The following CRYL1 variants were observed in gnomAD, a reference collection of about 807,000 sequenced individuals.
The protein encoded by CRYL1 is lambda-crystallin homolog.
A neutral mutation model predicts 36.6 loss-of-function variants in CRYL1; 29 were observed. That is an observed-to-expected ratio of 0.79 (90% CI 0.59 to 1.08). The LOEUF is 1.08. Ranked by LOEUF, CRYL1 falls within the 50% of genes least tolerant of loss-of-function variation. The pLI, the probability that CRYL1 is intolerant of heterozygous loss-of-function variation, is 0.00. For synonymous variants in CRYL1, 152 were observed against 151.5 expected (o/e 1.00, Z -0.02); for missense variants, 411 against 407.9 (o/e 1.01, Z -0.06).
At chr13:20,439,846 C>T (rs994195781) in intron 3 of CRYL1, 92 bp from the exon 4 acceptor site, 9 of 1,271,636 alleles carry the variant, frequency 7.1e-6, no homozygotes, top group Non-Finnish European at 8.9e-6. Context: ...TCAAATGAAC[C>T]ACTTTGAAAA....
At position 20,500,559 on chromosome 13, in the gene CRYL1, C is replaced by T. The variant is rs147059795; in HGVS notation, c.150-11063G>A. On this transcript the variant is annotated intron_variant, in intron 2 of 7. Coordinates refer to ENST00000298248, the MANE Select transcript of CRYL1 (RefSeq NM_015974.3). ...GGGTAATCAGGCCAAGTATATGGGA[C>T]TGAAGCTTATTTTGCAGGTAGATTG... 5.3e-5 allele frequency among the ~76,000 whole-genome samples: 8 copies of T among 152,252 alleles called. No individual in the cohort carries two copies. The East Asian group carries it at 1.4e-3, about 26-fold the overall frequency.
In CRYL1 at chr13:20,404,685, A is replaced by G. The variant is rs763632884; in HGVS notation, c.796T>C (p.Phe266Leu). The G allele has an allele frequency of 1.9e-6, 3 of 1,614,084 alleles. No homozygotes were observed. Among genetic ancestry groups the G allele is most frequent in the East Asian group, 4.5e-5 (2 of 44,880 alleles). The change falls in exon 7 of 8, where the codon TTT (phenylalanine) becomes CTT (leucine). Residue 266 changes from phenylalanine to leucine, a missense_variant. By Grantham distance (22) the Phe-to-Leu change is conservative. Transcript: ENST00000298248. ...SEGIKHVLQT[F>L]GPIPEFSRAT... ...CTGGAAAACTCTGGAATGGGTCCAAAAGTCTGTAGGACATGTTTTATGCCT... is the reference window on the plus strand; with the variant it reads ...CTGGAAAACTCTGGAATGGGTCCAAGAGTCTGTAGGACATGTTTTATGCCT...
Position 20,420,701 on chromosome 13 carries a change from T to TTG in CRYL1, c.634-7316_634-7315dup, listed in dbSNP as rs1555226402. Among the ~76,000 whole-genome samples, 55 of 21,872 alleles carry TTG rather than the reference T, an allele frequency of 2.5e-3. 4 individuals carry two copies. The highest frequency in any genetic ancestry group is 5.6e-3 in the African/African-American group (53 of 9,518). 14.3% of individuals were successfully genotyped at this position (21,872 alleles called of 152,430 possible). A position where few individuals can be genotyped will look rare whatever the true frequency, so the allele number is the denominator to read the frequency against. ...CTTTGACTTTTCTTTAAAATAGAGG[T>TTG]TGTGTGTGTGTGTGTGTGTGTGTGT... On this transcript the variant is annotated intron_variant, in intron 5 of 7. Coordinates refer to ENST00000298248, the MANE Select transcript of CRYL1 (RefSeq NM_015974.3).
chr13:20,503,930 T>TG (rs2033747167), intron 2 of CRYL1, among the ~76,000 whole-genome samples: 1 of 152,208 alleles, frequency 6.6e-6, no homozygotes, highest in Non-Finnish European at 1.5e-5. Flanking sequence ...AGATCACTGC[T>TG]GGTGGTTTAT....
At position 20,415,214 on chromosome 13, in the gene CRYL1, C is replaced by T. The variant is rs1246528563; in HGVS notation, c.634-1827G>A. Among the ~76,000 whole-genome samples the T allele has an allele frequency of 1.3e-5, 2 of 152,202 alleles. No homozygotes were observed. The highest frequency in any genetic ancestry group is 2.4e-5 in the African/African-American group (1 of 41,452). On this transcript the variant is annotated intron_variant, in intron 5 of 7. Coordinates refer to ENST00000298248, the MANE Select transcript of CRYL1 (RefSeq NM_015974.3). The surrounding 1 kb of genome is among the most constrained non-coding windows in gnomAD (Gnocchi z 4.1). Reference sequence around the variant, plus strand: ...CTCCAAGCTGGGGGCTTGCTCCGCCCGGAGGGCTCTGCGGGGACCCTGGCA... The same window carrying T: ...CTCCAAGCTGGGGGCTTGCTCCGCCTGGAGGGCTCTGCGGGGACCCTGGCA...
chr13:20,445,546 GATAATATCA>G (rs1466414069), intron 3 of CRYL1, among the ~76,000 whole-genome samples: 3 of 152,136 alleles, frequency 2.0e-5, no homozygotes, highest in African/African-American at 7.2e-5. Flanking sequence ...TCTGGAGCAT[GATAATATCA>G]ACCAGAGCCC....
intron 3 of CRYL1, among the ~76,000 whole-genome samples, chr13:20,452,312 T>C (rs897887413): frequency 1.3e-5 from 2 of 149,752 alleles, no homozygotes; most frequent in African/African-American, 2.4e-5. Context: ...TTTAAATGTA[T>C]GGACTTAGAT....
intron 3 of CRYL1, among the ~76,000 whole-genome samples, chr13:20,440,690 G>T (rs2032331233): frequency 6.6e-6 from 1 of 152,156 alleles, no homozygotes; most frequent in Admixed American, 6.5e-5. Context: ...TCATCCTCGT[G>T]AAATGAACAA....
intron 2 of CRYL1, among the ~76,000 whole-genome samples, chr13:20,507,896 C>A (rs940885614): frequency 2.8e-5 from 4 of 140,888 alleles, no homozygotes; most frequent in African/African-American, 5.3e-5. Context: ...CCAGCCTGGG[C>A]AACAGAGCAA....
In CRYL1 at chr13:20,424,171, C is replaced by T. The variant is rs140080309; in HGVS notation, c.633+7931G>A. The stretch of plus-strand genomic sequence containing the variant: ...TCTCTCATTGCTTCTGGCAGAAGAT[C>T]ATTCTTACAGAGCTCTCTGCATTTG... On this transcript the variant is annotated intron_variant, in intron 5 of 7. Coordinates refer to ENST00000298248, the MANE Select transcript of CRYL1 (RefSeq NM_015974.3). Among the ~76,000 whole-genome samples, 1,313 of 152,246 alleles carry T rather than the reference C, an allele frequency of 8.6e-3. 8 individuals carry two copies. Among genetic ancestry groups the T allele is most frequent in the African/African-American group, 0.03 (1,234 of 41,544 alleles).
intron 6 of CRYL1, among the ~76,000 whole-genome samples, chr13:20,410,430 G>A (rs1437481729): frequency 1.3e-5 from 2 of 150,036 alleles, no homozygotes; most frequent in Non-Finnish European, 3.0e-5. Context: ...TATACCTAAT[G>A]CTAGATGACG....
chr13:20,428,868 C>T (rs1312731802), intron 5 of CRYL1, among the ~76,000 whole-genome samples: 2 of 152,180 alleles, frequency 1.3e-5, no homozygotes, highest in Non-Finnish European at 1.5e-5. Context: ...GCTCCCTCAG[C>T]GCCCTGAACC....
intron 1 of CRYL1, among the ~76,000 whole-genome samples, chr13:20,522,995 A>G (rs983318730): frequency 7.3e-6 from 1 of 137,580 alleles, no homozygotes; most frequent in African/African-American, 2.7e-5. Context: ...TGGCTCACTG[A>G]AACCTCCGCC....
chr13:20,475,271 T>G (rs995286570), intron 3 of CRYL1, among the ~76,000 whole-genome samples: 2 of 152,202 alleles, frequency 1.3e-5, no homozygotes, highest in Admixed American at 6.5e-5. Context: ...GTGGCAGGCA[T>G]GCAGGTTCCA....
chr13:20,427,222 G>A, intron 5 of CRYL1: 1 of 985,404 alleles, frequency 1.0e-6, no homozygotes, highest in Non-Finnish European at 1.2e-6. Flanking sequence ...GGCAGGGGAA[G>A]TAAGTGTCAG....
At chr13:20,438,731 C>A (rs1178888846) in intron 4 of CRYL1, among the ~76,000 whole-genome samples, 1 of 152,174 alleles carries the variant, frequency 6.6e-6, no homozygotes, top group African/African-American at 2.4e-5. Context: ...CCTCTGACAA[C>A]CTGGTGGTGC....
At chr13:20,495,120 AT>A (rs890569954) in intron 2 of CRYL1, among the ~76,000 whole-genome samples, 4 of 152,104 alleles carry the variant, frequency 2.6e-5, no homozygotes, top group African/African-American at 7.2e-5. Context: ...ATTAATTCCA[AT>A]TTTTTTTATT....
chr13:20,489,772 T>C lies in CRYL1; in HGVS notation c.150-276A>G, dbSNP rs190986415. Among the ~76,000 whole-genome samples the C allele has an allele frequency of 2.7e-4, 41 of 152,320 alleles. No individual in the cohort carries two copies. In the East Asian group the frequency reaches 7.1e-3, roughly 27 times the overall value. On this transcript the variant is annotated intron_variant, in intron 2 of 7. Coordinates refer to ENST00000298248, the MANE Select transcript of CRYL1 (RefSeq NM_015974.3). Reference sequence around the variant, plus strand: ...TCCCAAAAACAGAATTACAGTATGATCCAGCAATTCAACTTCTGGGTATAA... The same window carrying C: ...TCCCAAAAACAGAATTACAGTATGACCCAGCAATTCAACTTCTGGGTATAA...
At chr13:20,412,649 T>C (rs2031553764) in intron 6 of CRYL1, among the ~76,000 whole-genome samples, 1 of 152,234 alleles carries the variant, frequency 6.6e-6, no homozygotes, top group Admixed American at 6.5e-5. Context: ...CAGAGTTTCA[T>C]TCTTGGAAGT....
Sources: gnomAD v4.1 joint callset for allele counts (sites outside exome capture counted in the v4.1 genomes callset) on GRCh38, gnomAD v4.1.1 for gene constraint, Gnocchi (gnomAD v3.1) non-coding constraint, MANE v1.5 for transcripts, NCBI Gene and HGNC (gene_info 2026-07-23, HGNC 2026-07-21) for gene names.